ZNF208: variants seen among roughly 807,000 people sequenced by gnomAD.
The protein encoded by ZNF208 is zinc finger protein 95.
Under a neutral mutation model 12.1 loss-of-function variants are expected in ZNF208, and 10 were observed. The ratio of observed to expected loss-of-function variants is 0.83; its 90% CI spans 0.51 to 1.40. ZNF208 has a LOEUF of 1.40. Ranked by LOEUF, ZNF208 falls within the 40% of genes most tolerant of loss-of-function variation. The probability of loss-of-function intolerance (pLI) is 0.00; values close to 1 mark genes in which losing one functional copy is unlikely to be tolerated. For synonymous variants in ZNF208, 497 were observed against 488.4 expected (o/e 1.02, Z -0.23); for missense variants, 1,652 against 1,485.0 (o/e 1.11, Z -1.85).
At position 21,974,838 on chromosome 19, in the gene ZNF208, T is replaced by C. The variant is rs762605534; in HGVS notation, c.227-31A>G. The stretch of plus-strand genomic sequence containing the variant: ...AAGAAATAAAAATCACAAATTAGCC[T>C]ACTTATTAGACTCAGATAAATACAG... On this transcript the variant is annotated intron_variant, in intron 3 of 3. Coordinates refer to ENST00000397126, the MANE Select transcript of ZNF208 (RefSeq NM_007153.3). The C allele has an allele frequency of 2.0e-6, 3 of 1,496,928 alleles. No individual in the cohort carries two copies. In the African/African-American group the frequency reaches 4.2e-5, roughly 21 times the overall value. The allele number at this position is 1,496,928 out of a possible 1,614,324, so 92.7% of individuals were successfully genotyped here.
intron 2 of ZNF208, among the ~76,000 whole-genome samples, chr19:21,988,423 C>T (rs538412030): frequency 2.6e-5 from 4 of 152,206 alleles, no homozygotes; most frequent in Admixed American, 6.5e-5. Flanking sequence ...CTGCTCCTGC[C>T]ACCAGAAGGT....
At chr19:21,978,858 G>A (rs1466545746) in intron 3 of ZNF208, among the ~76,000 whole-genome samples, 1 of 152,126 alleles carries the variant, frequency 6.6e-6, no homozygotes, top group Non-Finnish European at 1.5e-5. Context: ...AATTGCTAAC[G>A]AGAATAACCA....
In ZNF208 at chr19:21,972,175, G is replaced by A. The variant is rs756076768; in HGVS notation, c.2859C>T (p.Ala953=). ...AACTAAGGGTTGAGGATGACTTATA[G>A]GCTTTGCCACATGCTTCACATTTGT... ...KFYKCEACGK[A]YKSSSTLSYH... is the part of the protein sequence containing the mutation. Residue 953 remains alanine, a synonymous_variant, in exon 4 of 4, where the codon GCC becomes GCT. Transcript: ENST00000397126. The A allele has an allele frequency of 3.1e-6, 5 of 1,607,048 alleles. No homozygotes were observed. In the African/African-American group the frequency reaches 5.4e-5, roughly 17 times the overall value.
chr19:22,010,107 C>T (rs1043645236), intron 1 of ZNF208, among the ~76,000 whole-genome samples: 8 of 152,032 alleles, frequency 5.3e-5, no homozygotes, highest in Non-Finnish European at 8.8e-5. Context: ...ATGGCGTCAA[C>T]CCGGGAGGCG....
intron 3 of ZNF208, among the ~76,000 whole-genome samples, chr19:21,984,680 T>C (rs1486170442): frequency 6.6e-6 from 1 of 152,226 alleles, no homozygotes; most frequent in Non-Finnish European, 1.5e-5. Flanking sequence ...ATGTAATCTA[T>C]AAATTTAATG....
At chr19:21,982,929 A>G (rs1283154979) in intron 3 of ZNF208, among the ~76,000 whole-genome samples, 4 of 152,220 alleles carry the variant, frequency 2.6e-5, no homozygotes, top group Admixed American at 1.3e-4. Context: ...AAACCTAGAC[A>G]ATACTATTCA....
At chr19:21,952,185 C>G (rs1472509634) in intron 4 of ZNF208, among the ~76,000 whole-genome samples, 1 of 152,214 alleles carries the variant, frequency 6.6e-6, no homozygotes, top group Non-Finnish European at 1.5e-5. Flanking sequence ...TTCAGCAAGG[C>G]CTACTGCCTC....
chr19:21,968,606 T>G lies in ZNF208; in HGVS notation c.*2585A>C, dbSNP rs999805713. On this transcript the variant is annotated 3_prime_UTR_variant, in exon 4 of 4. Coordinates refer to ENST00000397126, the MANE Select transcript of ZNF208 (RefSeq NM_007153.3). ...CAGTTTGCTAGTATTTCATGGAGGATTATTATTCCAATATTCACCCAGAAT... is the reference window on the plus strand; with the variant it reads ...CAGTTTGCTAGTATTTCATGGAGGAGTATTATTCCAATATTCACCCAGAAT... The G allele has an allele frequency of 6.6e-6, 1 of 152,134 alleles. No homozygotes were observed. Among genetic ancestry groups the G allele is most frequent in the Non-Finnish European group, 1.5e-5 (1 of 68,016 alleles). 9.4% of individuals were successfully genotyped at this position (152,134 alleles called of 1,614,324 possible).
intron 4 of ZNF208, among the ~76,000 whole-genome samples, chr19:21,959,949 C>G (rs528479333): frequency 6.6e-6 from 1 of 152,140 alleles, no homozygotes; most frequent in South Asian, 2.1e-4. Context: ...CATATTTTGT[C>G]AGCTTAGTAT....
chr19:21,963,691 C>T (rs533046721), downstream of ZNF208, among the ~76,000 whole-genome samples: 1 of 151,924 alleles, frequency 6.6e-6, no homozygotes, highest in African/African-American at 2.4e-5. Context: ...GTTTGTTACC[C>T]TTTAGTTTTA....
At chr19:21,984,213 G>C (rs544776694) in intron 3 of ZNF208, among the ~76,000 whole-genome samples, 14 of 151,986 alleles carry the variant, frequency 9.2e-5, no homozygotes, top group Non-Finnish European at 1.9e-4. Flanking sequence ...TATTTTCTGT[G>C]ACTAAACTTG....
At chr19:21,976,392 A>G (rs1477132390) in intron 3 of ZNF208, among the ~76,000 whole-genome samples, 1 of 152,222 alleles carries the variant, frequency 6.6e-6, no homozygotes, top group Non-Finnish European at 1.5e-5. Flanking sequence ...TAGTGAAAGC[A>G]TATCCATACA....
chr19:22,008,553 T>G (rs546270930), intron 1 of ZNF208, among the ~76,000 whole-genome samples: 2,106 of 64,158 alleles, frequency 0.033, 39 homozygotes, highest in African/African-American at 0.17. Flanking sequence ...CTGGGGTCAG[T>G]TTTTTTTTTT....
intron 1 of ZNF208, among the ~76,000 whole-genome samples, chr19:22,005,294 G>A (rs1971024999): frequency 1.3e-5 from 2 of 152,170 alleles, no homozygotes; most frequent in African/African-American, 4.8e-5. Context: ...TGTGGCAAAA[G>A]GGGGTTTGTC....
chr19:21,989,958 A>T (rs1970701657), intron 1 of ZNF208, among the ~76,000 whole-genome samples: 1 of 152,122 alleles, frequency 6.6e-6, no homozygotes, highest in East Asian at 1.9e-4. Context: ...AATTAGTTTG[A>T]GTTCACTGTA....
chr19:22,005,872 C>A (rs1451872189), intron 1 of ZNF208, among the ~76,000 whole-genome samples: 1 of 152,102 alleles, frequency 6.6e-6, no homozygotes, highest in Non-Finnish European at 1.5e-5. Flanking sequence ...AATTCTCTAT[C>A]CTCTGTGTTC....
chr19:21,947,365 A>G (rs751397799), intron 4 of ZNF208, among the ~76,000 whole-genome samples: 27 of 152,184 alleles, frequency 1.8e-4, no homozygotes, highest in Non-Finnish European at 3.8e-4. Context: ...GTTCTGGGGC[A>G]TATGCTATAG....
intron 3 of ZNF208, among the ~76,000 whole-genome samples, chr19:21,978,768 T>C (rs1352185031): frequency 6.6e-6 from 1 of 152,020 alleles, no homozygotes; most frequent in Non-Finnish European, 1.5e-5. Context: ...AGAGGTGGGT[T>C]ATAACAAACT....
chr19:21,978,846 T>C (rs1261299627), intron 3 of ZNF208, among the ~76,000 whole-genome samples: 6 of 152,120 alleles, frequency 3.9e-5, no homozygotes, highest in Non-Finnish European at 8.8e-5. Context: ...AAAGGTTAGA[T>C]GAATTGCTAA....
Sources: gnomAD v4.1 joint callset for allele counts (sites outside exome capture counted in the v4.1 genomes callset) on GRCh38, gnomAD v4.1.1 for gene constraint, MANE v1.5 for transcripts, NCBI Gene and HGNC (gene_info 2026-07-23, HGNC 2026-07-21) for gene names.